Variants in AP2B1 observed in about 807,000 individuals in gnomAD.
AP2B1 encodes AP-2 complex subunit beta.
Under a neutral mutation model 102.0 loss-of-function variants are expected in AP2B1, and 23 were observed. The observed-to-expected ratio is 0.23, with a 90% CI of 0.16 to 0.32. AP2B1 has a LOEUF of 0.32. Ranked by LOEUF, AP2B1 falls within the 10% of genes least tolerant of loss-of-function variation. AP2B1 has a pLI of 1.00. For synonymous variants in AP2B1, 381 were observed against 421.2 expected (o/e 0.90, Z 1.17); for missense variants, 541 against 1,157.4 (o/e 0.47, Z 7.73).
intron 2 of AP2B1, 130 bp from the exon 3 acceptor site, chr17:35,598,100 A>G (rs2073353372): frequency 4.9e-6 from 2 of 410,528 alleles, no homozygotes; most frequent in South Asian, 1.7e-4. Context: ...TGAATTTTAT[A>G]TATTCTATAA....
Position 35,725,560 on chromosome 17 carries a change from A to G in AP2B1, c.*1861A>G, listed in dbSNP as rs782230562. 3.3e-5 allele frequency: 5 copies of G among 152,346 alleles called. No homozygotes were observed. The highest frequency in any genetic ancestry group is 7.3e-5 in the Non-Finnish European group (5 of 68,070). 9.4% of individuals were successfully genotyped at this position (152,346 alleles called of 1,614,324 possible). A position where few individuals can be genotyped will look rare whatever the true frequency, so the allele number is the denominator to read the frequency against. The stretch of plus-strand genomic sequence containing the variant: ...AAATATTTGGGGAAGGAGGGAGGAA[A>G]TATGTCCCTTGCACACCACCCCTGA... On this transcript the variant is annotated 3_prime_UTR_variant, in exon 22 of 22. Transcript: ENST00000610402.
intron 2 of AP2B1, among the ~76,000 whole-genome samples, chr17:35,595,300 T>C (rs1334598968): frequency 6.6e-6 from 1 of 152,110 alleles, no homozygotes; most frequent in African/African-American, 2.4e-5. Context: ...TCCCAGCACA[T>C]TGGGAGGCTG....
At chr17:35,660,151 T>C in intron 14 of AP2B1, 1 of 902,174 alleles carries the variant, frequency 1.1e-6, no homozygotes, top group Non-Finnish European at 1.3e-6. Flanking sequence ...TTGTTTTGTT[T>C]TGTTTAGTTT....
intron 3 of AP2B1, 38 bp downstream of exon 3, chr17:35,598,373 G>A (rs1257576482): frequency 7.7e-7 from 1 of 1,299,404 alleles, no homozygotes; most frequent in South Asian, 1.4e-5. Context: ...CACTTCAGAG[G>A]TCCATACCCC....
rs2085505618 is a variant in AP2B1, at chr17:35,725,670, A to T, written c.*1971A>T. 1 of 152,638 alleles carries T rather than the reference A, an allele frequency of 6.6e-6. No homozygotes were observed. The highest frequency in any genetic ancestry group is 1.5e-5 in the Non-Finnish European group (1 of 68,084). The allele number at this position is 152,638 out of a possible 1,614,324, so 9.5% of individuals were successfully genotyped here. Reference sequence around the variant, plus strand: ...GTGTGGAGCGGAAAAGCAGGTTGGTAAAGTTCCCTTCTTGGGACTTATTCC... The same window carrying T: ...GTGTGGAGCGGAAAAGCAGGTTGGTTAAGTTCCCTTCTTGGGACTTATTCC... On this transcript the variant is annotated 3_prime_UTR_variant, in exon 22 of 22. Transcript: ENST00000610402.
chr17:35,653,256 G>A (rs950386855), intron 13 of AP2B1, among the ~76,000 whole-genome samples: 1 of 152,114 alleles, frequency 6.6e-6, no homozygotes, highest in Non-Finnish European at 1.5e-5. Flanking sequence ...TGTTATCACT[G>A]AAGAAATTTT....
At chr17:35,615,831 A>G (rs1336409162) in intron 5 of AP2B1, among the ~76,000 whole-genome samples, 1 of 152,196 alleles carries the variant, frequency 6.6e-6, no homozygotes, top group African/African-American at 2.4e-5. Context: ...AAGGTAATAC[A>G]TTCAGTCTGT....
chr17:35,694,658 T>C (rs945919141), intron 18 of AP2B1, among the ~76,000 whole-genome samples: 1 of 152,130 alleles, frequency 6.6e-6, no homozygotes, highest in African/African-American at 2.4e-5. Flanking sequence ...GTTGGATCAC[T>C]TGAGGTCAGG....
Position 35,657,645 on chromosome 17 carries a change from C to G in AP2B1, c.1843C>G (p.Leu615Val), listed in dbSNP as rs951303237. 1 of 1,613,954 alleles carries G rather than the reference C, an allele frequency of 6.2e-7. No homozygotes were observed. Among genetic ancestry groups the G allele is most frequent in the Admixed American group, 1.7e-5 (1 of 59,996 alleles). The change falls in exon 14 of 22, where the codon CTG becomes GTG. Residue 615 changes from leucine to valine, a missense_variant. This residue lies in a region of AP2B1 where 39 missense variants were observed against 42.0 expected (regional missense o/e 0.93). Coordinates refer to ENST00000610402, the MANE Select transcript of AP2B1 (RefSeq NM_001030006.2). ...TGTTGGCACTACCACTGCAACGAAC[C>G]TGGAACAGCCTCAGGTTATCCCCTC... ...SPVGTTTATN[L>V]EQPQVIPSQG...
intron 17 of AP2B1, among the ~76,000 whole-genome samples, chr17:35,675,812 T>C (rs575823851): frequency 5.6e-4 from 85 of 151,868 alleles, no homozygotes; most frequent in African/African-American, 2.0e-3. Flanking sequence ...TTTTATATAC[T>C]GTTTTTCTCT....
intron 21 of AP2B1, among the ~76,000 whole-genome samples, chr17:35,717,790 G>A (rs72829922): frequency 0.13 from 19,753 of 152,202 alleles, 1,693 homozygotes; most frequent in South Asian, 0.25. Flanking sequence ...TTTTTCAGCA[G>A]CATTGTATGA....
At chr17:35,612,879 C>T (rs947389573) in intron 5 of AP2B1, among the ~76,000 whole-genome samples, 17 of 52,158 alleles carry the variant, frequency 3.3e-4, no homozygotes, top group African/African-American at 8.4e-4. Flanking sequence ...TGTGTATGTG[C>T]GCACACACAC....
chr17:35,653,072 T>C (rs2075128880), intron 13 of AP2B1, among the ~76,000 whole-genome samples: 1 of 152,234 alleles, frequency 6.6e-6, no homozygotes, highest in Non-Finnish European at 1.5e-5. Context: ...TCTTCTCTGA[T>C]TATTAATCTT....
chr17:35,687,682 CT>C (rs2075964395), intron 18 of AP2B1, among the ~76,000 whole-genome samples: 1 of 152,044 alleles, frequency 6.6e-6, no homozygotes, highest in Non-Finnish European at 1.5e-5. Flanking sequence ...TCTCAAGTAG[CT>C]GGGACTACAG....
chr17:35,609,862 T>C (rs1258538487), intron 5 of AP2B1, among the ~76,000 whole-genome samples: 1 of 152,218 alleles, frequency 6.6e-6, no homozygotes, highest in African/African-American at 2.4e-5. Context: ...CTTTGACATT[T>C]TGTTTGGTTC....
intron 3 of AP2B1, 93 bp downstream of exon 3, chr17:35,598,428 T>C (rs2073363907): frequency 5.6e-6 from 4 of 715,320 alleles, no homozygotes; most frequent in Non-Finnish European, 8.9e-6. Context: ...ATCATAATCA[T>C]AGAACCTCTA....
chr17:35,723,494 T>C lies in AP2B1; in HGVS notation c.2782-131T>C. On this transcript the variant is annotated intron_variant, in intron 21 of 21. Coordinates refer to ENST00000610402, the MANE Select transcript of AP2B1 (RefSeq NM_001030006.2). ...ACAGCACTTATTAACATAATCTCTT[T>C]GTTTAGCTACTCCAGTGATAGAAGT... 4.8e-6 allele frequency: 3 copies of C among 631,374 alleles called. No homozygotes were observed. In the South Asian group the frequency reaches 5.7e-5, roughly 12 times the overall value. 39.1% of individuals were successfully genotyped at this position (631,374 alleles called of 1,614,324 possible).
At chr17:35,687,206 G>T (rs2142996125) in intron 18 of AP2B1, among the ~76,000 whole-genome samples, 1 of 152,092 alleles carries the variant, frequency 6.6e-6, no homozygotes, top group South Asian at 2.1e-4. Flanking sequence ...TCACCTCCTG[G>T]GCTCAAGCAA....
chr17:35,724,173 T>C lies in AP2B1; in HGVS notation c.*474T>C, dbSNP rs2143016589. On this transcript the variant is annotated 3_prime_UTR_variant, in exon 22 of 22. Coordinates refer to ENST00000610402, the MANE Select transcript of AP2B1 (RefSeq NM_001030006.2). ...CCAGTAGAAAGCATTGAAATGACTG[T>C]CATTAACCACACAGTCCTGGAGGCA... 2 of 156,792 alleles carry C rather than the reference T, an allele frequency of 1.3e-5. No individual in the cohort carries two copies. The highest frequency in any genetic ancestry group is 1.9e-4 in the South Asian group (1 of 5,148). The allele number at this position is 156,792 out of a possible 1,614,324, so 9.7% of individuals were successfully genotyped here.
Sources: gnomAD v4.1 joint callset for allele counts (sites outside exome capture counted in the v4.1 genomes callset) on GRCh38, gnomAD v4.1.1 for gene constraint, gnomAD v4.1.1 regional missense constraint, MANE v1.5 for transcripts, NCBI Gene and HGNC (gene_info 2026-07-23, HGNC 2026-07-21) for gene names.